Variants in GABRR3 observed in about 807,000 individuals in gnomAD.
GABRR3 encodes the protein gamma-aminobutyric acid type A receptor subunit rho3, also known as gamma-aminobutyric acid receptor subunit rho-3.
A neutral mutation model predicts 43.2 loss-of-function variants in GABRR3; 29 were observed. The ratio of observed to expected loss-of-function variants is 0.67; its 90% CI spans 0.50 to 0.92. GABRR3 has a LOEUF of 0.92. Ranked by LOEUF, GABRR3 falls within the 40% of genes least tolerant of loss-of-function variation. The pLI is 0.00. For missense variants in GABRR3, 576 were observed against 572.3 expected (o/e 1.01, Z -0.07); for synonymous variants, 206 against 195.9 (o/e 1.05, Z -0.43).
chr3:98,013,549 A>G (rs1466598180), intron 4 of GABRR3, among the ~76,000 whole-genome samples: 2 of 152,308 alleles, frequency 1.3e-5, no homozygotes, highest in East Asian at 1.9e-4. Context: ...AACACTAATC[A>G]AATTTTTCTT....
intron 3 of GABRR3, among the ~76,000 whole-genome samples, chr3:98,021,165 G>A (rs902307326): frequency 2.0e-5 from 3 of 151,882 alleles, no homozygotes; most frequent in Admixed American, 6.6e-5. Flanking sequence ...GCACCAGGCC[G>A]TCATTTCTGC....
chr3:98,022,666 T>C (rs576139877), intron 3 of GABRR3, among the ~76,000 whole-genome samples: 67 of 152,222 alleles, frequency 4.4e-4, no homozygotes, highest in African/African-American at 1.5e-3. Context: ...CACTTCTGAC[T>C]GAATTTATGA....
At chr3:98,028,313 T>C (rs1707047093) in intron 2 of GABRR3, among the ~76,000 whole-genome samples, 2 of 152,336 alleles carry the variant, frequency 1.3e-5, no homozygotes, top group South Asian at 4.1e-4. Context: ...ACATGGAATT[T>C]GAAGAAATTT....
intron 4 of GABRR3, among the ~76,000 whole-genome samples, chr3:98,014,173 C>T (rs1306400174): frequency 3.9e-5 from 6 of 152,208 alleles, no homozygotes; most frequent in Admixed American, 2.6e-4. Flanking sequence ...TTATCTGATA[C>T]GGACTAGCAC....
At chr3:97,994,496 C>T (rs953604355) in intron 8 of GABRR3, among the ~76,000 whole-genome samples, 1 of 152,162 alleles carries the variant, frequency 6.6e-6, no homozygotes, top group Non-Finnish European at 1.5e-5. Context: ...CCAGGTTTCC[C>T]CCAACAATGG....
chr3:97,986,750 T>C (rs768567466), exon 10 of GABRR3: 8 of 1,597,140 alleles, frequency 5.0e-6, no homozygotes, highest in Non-Finnish European at 6.0e-6. Flanking sequence ...AATCCTAGAA[T>C]AGGTGTCAAT....
At chr3:98,001,442 A>G in intron 8 of GABRR3, 173 bp downstream of exon 8, 1 of 640,064 alleles carries the variant, frequency 1.6e-6, no homozygotes, top group South Asian at 2.5e-5. Context: ...GAAAGAACTC[A>G]ATTACAATTT....
chr3:98,002,996 C>T lies in GABRR3; in HGVS notation c.755-1229G>A, dbSNP rs148541877. On this transcript the variant is annotated intron_variant, in intron 7 of 9. Coordinates refer to ENST00000621172, the Ensembl canonical transcript of GABRR3. ...AGAATCCTATTCTCAATGAAATACT[C>T]ATTATCTTTTTCTTCCTTACCTAGT... 7.6e-4 allele frequency among the ~76,000 whole-genome samples: 116 copies of T among 152,282 alleles called. No individual in the cohort carries two copies. The East Asian group carries it at 0.019, about 25-fold the overall frequency.
At chr3:98,013,182 T>A in intron 4 of GABRR3, among the ~76,000 whole-genome samples, 1 of 152,218 alleles carries the variant, frequency 6.6e-6, no homozygotes, top group East Asian at 1.9e-4. Context: ...GTGCAAAGAC[T>A]GACTTTTGAA....
intron 9 of GABRR3, among the ~76,000 whole-genome samples, chr3:97,989,970 T>G (rs1244885115): frequency 1.3e-5 from 2 of 152,156 alleles, no homozygotes; most frequent in African/African-American, 4.8e-5. Context: ...GGCTTCCAAC[T>G]CCATATATAT....
chr3:97,990,433 C>T (rs907397109), intron 9 of GABRR3, among the ~76,000 whole-genome samples: 2 of 151,954 alleles, frequency 1.3e-5, no homozygotes, highest in African/African-American at 4.8e-5. Flanking sequence ...ACTGCAACCT[C>T]GGCCTCCCAG....
At chr3:98,023,196 C>G (rs1706973293) in intron 3 of GABRR3, among the ~76,000 whole-genome samples, 1 of 152,152 alleles carries the variant, frequency 6.6e-6, no homozygotes, top group South Asian at 2.1e-4. Context: ...GCACTTGGTT[C>G]AAGGTCTACA....
rs143373693 is a variant in GABRR3, at chr3:98,015,484, C to T, written c.306+2171G>A. Among the ~76,000 whole-genome samples, 219 of 152,358 alleles carry T rather than the reference C, an allele frequency of 1.4e-3. 1 individual carries two copies. The highest frequency in any genetic ancestry group is 4.9e-3 in the African/African-American group (205 of 41,590). Reference sequence around the variant, plus strand: ...GTGCTGGGATTATAGGCATGAGCCACTGCTCTTGGCCCAAACATTAAATTG... The same window carrying T: ...GTGCTGGGATTATAGGCATGAGCCATTGCTCTTGGCCCAAACATTAAATTG... On this transcript the variant is annotated intron_variant, in intron 4 of 9. Coordinates refer to ENST00000621172, the Ensembl canonical transcript of GABRR3.
chr3:98,012,265 A>T, intron 5 of GABRR3, 79 bp downstream of exon 5: 1 of 997,718 alleles, frequency 1.0e-6, no homozygotes, highest in Non-Finnish European at 1.5e-6. Flanking sequence ...TGTGAGTTTC[A>T]TCTGAAATAA....
At chr3:98,024,868 G>A (rs1026940126) in intron 3 of GABRR3, among the ~76,000 whole-genome samples, 1 of 152,246 alleles carries the variant, frequency 6.6e-6, no homozygotes, top group African/African-American at 2.4e-5. Flanking sequence ...ACATTAAGTA[G>A]TCTAAGGAGA....
At chr3:98,012,069 A>G (rs549313803) in intron 5 of GABRR3, among the ~76,000 whole-genome samples, 1 of 152,230 alleles carries the variant, frequency 6.6e-6, no homozygotes, top group African/African-American at 2.4e-5. Flanking sequence ...TTTACTTATA[A>G]TATTGTGTGC....
chr3:97,993,284 C>T (rs1485995954), intron 8 of GABRR3, among the ~76,000 whole-genome samples: 1 of 152,160 alleles, frequency 6.6e-6, no homozygotes, highest in Non-Finnish European at 1.5e-5. Flanking sequence ...TTCCTTTCCT[C>T]CATTTAAAGG....
At chr3:97,996,136 G>T (rs938730287) in intron 8 of GABRR3, among the ~76,000 whole-genome samples, 3 of 152,162 alleles carry the variant, frequency 2.0e-5, no homozygotes, top group Non-Finnish European at 4.4e-5. Flanking sequence ...GGGAAGACAG[G>T]CACCACTTAT....
intron 2 of GABRR3, among the ~76,000 whole-genome samples, chr3:98,026,513 T>C (rs1576050960): frequency 6.6e-6 from 1 of 152,178 alleles, no homozygotes; most frequent in Non-Finnish European, 1.5e-5. Flanking sequence ...AGGGGAAATG[T>C]CTGTTTTAGC....
Sources: allele counts gnomAD v4.1 joint callset (sites outside exome capture counted in the v4.1 genomes callset), GRCh38; gene constraint gnomAD v4.1.1; transcripts MANE v1.5; gene names NCBI Gene and HGNC (gene_info 2026-07-23, HGNC 2026-07-21).